Variants in CCND3 observed in about 807,000 individuals in gnomAD.
CCND3 encodes G1/S-specific cyclin-D3.
In CCND3, 9 loss-of-function variants were observed where a neutral mutation model predicts 28.7. The ratio of observed to expected loss-of-function variants is 0.31; its 90% CI spans 0.19 to 0.55. The LOEUF (loss-of-function observed/expected upper bound fraction) is 0.55, where lower values mean the gene tolerates loss of function less well. CCND3 is among the 20% of genes least tolerant of loss of function. The pLI, the probability that CCND3 is intolerant of heterozygous loss-of-function variation, is 0.93. For missense variants in CCND3, 315 were observed against 385.8 expected (o/e 0.82, Z 1.54); for synonymous variants, 164 against 163.9 (o/e 1.00, Z 0.00).
At chr6:41,950,865 C>T (rs1181378732) in intron 1 of CCND3, among the ~76,000 whole-genome samples, 3 of 151,910 alleles carry the variant, frequency 2.0e-5, no homozygotes, top group African/African-American at 4.8e-5. Context: ...CCCCCCACCA[C>T]GCCCAGCTAA....
intron 1 of CCND3, chr6:42,011,074 G>GTGAC (rs1763332976): frequency 6.7e-6 from 1 of 150,318 alleles, no homozygotes; most frequent in Admixed American, 6.7e-5. Context: ...ACAACTGGTA[G>GTGAC]TGAATGAATG....
chr6:42,049,160 C>G (rs1012270406), upstream of CCND3, among the ~76,000 whole-genome samples: 2 of 152,188 alleles, frequency 1.3e-5, no homozygotes, highest in Non-Finnish European at 2.9e-5. Flanking sequence ...CTCAGCCTCC[C>G]GAGTAGCTAG....
chr6:42,038,828 CTTCTT>C (rs1163032302), intron 1 of CCND3, among the ~76,000 whole-genome samples: 1 of 152,168 alleles, frequency 6.6e-6, no homozygotes, highest in African/African-American at 2.4e-5. Context: ...CTAATCCATT[CTTCTT>C]TTATCTCCTC....
intron 1 of CCND3, among the ~76,000 whole-genome samples, chr6:42,022,614 A>G (rs1160820997): frequency 6.6e-6 from 1 of 152,180 alleles, no homozygotes; most frequent in Non-Finnish European, 1.5e-5. Context: ...GCTCCCCCCA[A>G]CCGCCAGGGG....
chr6:41,972,754 T>G (rs887113087), intron 1 of CCND3, among the ~76,000 whole-genome samples: 2 of 152,102 alleles, frequency 1.3e-5, no homozygotes, highest in African/African-American at 4.8e-5. Context: ...CAGTGGCTCA[T>G]GGCTGTAATC....
At chr6:42,037,435 A>G (rs1220595813) in intron 1 of CCND3, among the ~76,000 whole-genome samples, 1 of 136,018 alleles carries the variant, frequency 7.4e-6, no homozygotes, top group African/African-American at 2.8e-5. Context: ...ACGGTTTTCA[A>G]CATATTGGCC....
At chr6:41,996,243 G>T (rs753459534) in intron 1 of CCND3, among the ~76,000 whole-genome samples, 3 of 150,232 alleles carry the variant, frequency 2.0e-5, no homozygotes, top group Non-Finnish European at 3.0e-5. Context: ...TCCGCCTCCC[G>T]GGTTCAAGTG....
intron 1 of CCND3, among the ~76,000 whole-genome samples, chr6:42,036,001 T>A (rs930190224): frequency 1.2e-4 from 18 of 147,000 alleles, no homozygotes; most frequent in Non-Finnish European, 2.2e-4. Flanking sequence ...TTATTTTGGG[T>A]TTTTTTTGAG....
At chr6:41,942,297 T>C (rs1371518673), upstream of CCND3, among the ~76,000 whole-genome samples, 1 of 152,134 alleles carries the variant, frequency 6.6e-6, no homozygotes, top group Non-Finnish European at 1.5e-5. Context: ...AGAGCTAGGA[T>C]TGGGAAGCTG....
At chr6:41,951,032 A>G (rs1306051654) in intron 1 of CCND3, among the ~76,000 whole-genome samples, 1 of 151,852 alleles carries the variant, frequency 6.6e-6, no homozygotes, top group African/African-American at 2.4e-5. Flanking sequence ...TTAAGCTTCC[A>G]GTCTAAAGTG....
At chr6:42,027,229 G>A (rs148849584) in intron 1 of CCND3, among the ~76,000 whole-genome samples, 3,068 of 152,202 alleles carry the variant, frequency 0.02, 33 homozygotes, top group South Asian at 0.043. Context: ...CACGAGGTCA[G>A]GGGATCGAGA....
In CCND3 at chr6:41,968,303, A is replaced by G. The variant is rs560054846; in HGVS notation, c.-45-27718T>C. ...TGACATTACCAATAATGACTTCTGA[A>G]GCTGAAATAAGCTTTTCTGGACTAT... On this transcript the variant is annotated intron_variant, in intron 1 of 4. Coordinates refer to the CCND3 transcript ENST00000372988. Among the ~76,000 whole-genome samples the G allele has an allele frequency of 3.3e-5, 5 of 152,368 alleles. No homozygotes were observed. In the East Asian group the frequency reaches 9.6e-4, roughly 29 times the overall value.
intron 1 of CCND3, among the ~76,000 whole-genome samples, chr6:42,006,962 A>G (rs1195781322): frequency 1.3e-5 from 2 of 152,132 alleles, no homozygotes; most frequent in African/African-American, 2.4e-5. Context: ...CACAATTCAT[A>G]GTATCTCAAT....
chr6:42,002,799 A>G (rs924782123), intron 1 of CCND3, among the ~76,000 whole-genome samples: 1 of 151,962 alleles, frequency 6.6e-6, no homozygotes, highest in Non-Finnish European at 1.5e-5. Context: ...GCTTGCAGTG[A>G]GCCAAGGTCA....
At position 42,019,124 on chromosome 6, in the gene CCND3, T is replaced by C. The variant is rs193251481; in HGVS notation, c.-46+29377A>G. Among the ~76,000 whole-genome samples, 507 of 152,144 alleles carry C rather than the reference T, an allele frequency of 3.3e-3. 3 individuals are homozygous for C. Among genetic ancestry groups the C allele is most frequent in the African/African-American group, 0.011 (472 of 41,524 alleles). ...AATCTATAAATAAGTATATCATCAA[T>C]GGTATGGATTCAGTTTGTATAATGT... On this transcript the variant is annotated intron_variant, in intron 1 of 4. Transcript: ENST00000372988.
At chr6:41,983,523 TATC>T (rs1305253935) in intron 1 of CCND3, among the ~76,000 whole-genome samples, 6 of 151,982 alleles carry the variant, frequency 3.9e-5, no homozygotes, top group Non-Finnish European at 8.8e-5. Context: ...AGTATACAAA[TATC>T]ATCATTATTA....
intron 1 of CCND3, among the ~76,000 whole-genome samples, chr6:41,950,999 C>T (rs1009626097): frequency 3.3e-5 from 5 of 151,978 alleles, no homozygotes; most frequent in African/African-American, 4.8e-5. Context: ...TGAGCCACTG[C>T]GCTGGGCCGA....
chr6:41,985,923 C>CT (rs1202700928), intron 1 of CCND3, among the ~76,000 whole-genome samples: 145 of 8,298 alleles, frequency 0.017, 1 homozygote, highest in Middle Eastern at 0.14. Flanking sequence ...GCCACCGCGC[C>CT]CGGCCCAGTT....
chr6:41,994,545 A>G (rs899700960), intron 1 of CCND3, among the ~76,000 whole-genome samples: 2 of 152,166 alleles, frequency 1.3e-5, no homozygotes, highest in African/African-American at 4.8e-5. Context: ...ACAATGGTGG[A>G]TACATGTCAT....
Sources: allele counts gnomAD v4.1 joint callset (sites outside exome capture counted in the v4.1 genomes callset), GRCh38; gene constraint gnomAD v4.1.1; transcripts MANE v1.5; gene names NCBI Gene and HGNC (gene_info 2026-07-23, HGNC 2026-07-21).